Variants in SLC7A5 observed in about 807,000 individuals in gnomAD.
SLC7A5 encodes solute carrier family 7 member 5, also known as large neutral amino acids transporter small subunit 1.
In SLC7A5, 23 loss-of-function variants were observed where a neutral mutation model predicts 50.2. The observed-to-expected ratio is 0.46, with a 90% CI of 0.33 to 0.65. The LOEUF is 0.65. Ranked by LOEUF, SLC7A5 falls within the 30% of genes least tolerant of loss-of-function variation. The pLI, the probability that SLC7A5 is intolerant of heterozygous loss-of-function variation, is 0.02. For missense variants in SLC7A5, 578 were observed against 684.4 expected, an observed-to-expected ratio of 0.84 and a Z score of 1.73; for synonymous variants, 393 against 330.6, an observed-to-expected ratio of 1.19 and a Z score of -2.05.
At chr16:87,843,149 C>A (rs541179723) in intron 2 of SLC7A5, among the ~76,000 whole-genome samples, 3 of 152,078 alleles carry the variant, frequency 2.0e-5, no homozygotes, top group African/African-American at 7.2e-5. Flanking sequence ...TCAGCCTGAG[C>A]TGATGGACAG....
At position 87,860,238 on chromosome 16, in the gene SLC7A5, C is replaced by T. The variant is rs1261749677; in HGVS notation, c.539-8389G>A. ...GTCCCAGCTACTCGGGAAGCTAAGG[C>T]AGGAGAATCACTTGAACCCAGGAGG... On this transcript the variant is annotated intron_variant, in intron 1 of 9. Coordinates refer to ENST00000261622, the MANE Select transcript of SLC7A5 (RefSeq NM_003486.7). The surrounding 1 kb of genome is among the most constrained non-coding windows in gnomAD (Gnocchi z 4.8). Among the ~76,000 whole-genome samples, 1 of 150,714 alleles carries T rather than the reference C, an allele frequency of 6.6e-6. No individual in the cohort carries two copies. Among genetic ancestry groups the T allele is most frequent in the Non-Finnish European group, 1.5e-5 (1 of 67,788 alleles).
rs1160289531 is a variant in SLC7A5, at chr16:87,841,811, C to T, written c.665-656G>A. 2.0e-5 allele frequency among the ~76,000 whole-genome samples: 3 copies of T among 152,332 alleles called. No individual in the cohort carries two copies. Among genetic ancestry groups the T allele is most frequent in the East Asian group, 3.9e-4 (2 of 5,184 alleles). ...TCTGAGGACACGCGTCACTGGACTT[C>T]GTGACTGCTCCACCCTATTCCAGAA... On this transcript the variant is annotated intron_variant, in intron 2 of 9. Transcript: ENST00000261622. The surrounding 1 kb of genome is among the most constrained non-coding windows in gnomAD (Gnocchi z 4.8).
At chr16:87,836,759 G>T (rs948425651) in intron 7 of SLC7A5, 112 bp from the exon 8 acceptor site, 2 of 1,120,284 alleles carry the variant, frequency 1.8e-6, no homozygotes, top group Non-Finnish European at 1.3e-6. Context: ...GAGCACCAGG[G>T]AATTTTGTTT....
chr16:87,849,234 G>A (rs554325734), intron 2 of SLC7A5, among the ~76,000 whole-genome samples: 179 of 152,338 alleles, frequency 1.2e-3, no homozygotes, highest in African/African-American at 4.1e-3. Context: ...GTCCACTGGG[G>A]GGTATAAAGT....
chr16:87,844,966 C>G (rs544602597), intron 2 of SLC7A5, among the ~76,000 whole-genome samples: 2 of 152,342 alleles, frequency 1.3e-5, no homozygotes, highest in East Asian at 3.9e-4. Flanking sequence ...GCACTAAGGC[C>G]GACGACAAGT....
In SLC7A5 at chr16:87,853,900, CG is replaced by C. The variant is rs1159671776; in HGVS notation, c.539-2052del. 2 of 108,258 alleles carry C rather than the reference CG, an allele frequency of 1.8e-5. No homozygotes were observed. The highest frequency in any genetic ancestry group is 3.1e-5 in the African/African-American group (1 of 32,046). 6.7% of individuals were successfully genotyped at this position (108,258 alleles called of 1,614,324 possible). Reference sequence around the variant, plus strand: ...GCGGAGACACTGAGCACTGCCCTCGCGGCTGTCACGTCTGCGGCTGTCACGT... The same window carrying C: ...GCGGAGACACTGAGCACTGCCCTCGCGCTGTCACGTCTGCGGCTGTCACGT... On this transcript the variant is annotated intron_variant, in intron 1 of 9. Coordinates refer to ENST00000261622, the MANE Select transcript of SLC7A5 (RefSeq NM_003486.7). This position sits in a 1 kb window ranked among gnomAD's most constrained non-coding sequence, Gnocchi z 4.4.
chr16:87,843,537 G>A (rs2055109531), intron 2 of SLC7A5, among the ~76,000 whole-genome samples: 1 of 151,856 alleles, frequency 6.6e-6, no homozygotes, highest in African/African-American at 2.4e-5. Flanking sequence ...CTGGACACAG[G>A]GAGGTCACCA....
At chr16:87,840,000 G>A (rs1307219490) in intron 4 of SLC7A5, among the ~76,000 whole-genome samples, 175 bp from the exon 5 acceptor site, 1 of 152,226 alleles carries the variant, frequency 6.6e-6, no homozygotes, top group African/African-American at 2.4e-5. Flanking sequence ...GGCTGTGCCT[G>A]GAGCGGGACA....
intron 2 of SLC7A5, among the ~76,000 whole-genome samples, chr16:87,844,938 C>T (rs1417760307): frequency 1.3e-5 from 2 of 152,260 alleles, no homozygotes; most frequent in East Asian, 1.9e-4. Context: ...GAGATGAGAT[C>T]ATCCCGGATT....
In SLC7A5 at chr16:87,841,852, A is replaced by G. The variant is rs1200379186; in HGVS notation, c.665-697T>C. On this transcript the variant is annotated intron_variant, in intron 2 of 9. Transcript: ENST00000261622. This position sits in a 1 kb window ranked among gnomAD's most constrained non-coding sequence, Gnocchi z 4.8. ...TATTCCAGAAGGACCTCATTTCAAAACTTGAACTTCAGTCACATCTGCGAA... is the reference window on the plus strand; with the variant it reads ...TATTCCAGAAGGACCTCATTTCAAAGCTTGAACTTCAGTCACATCTGCGAA... 1.3e-5 allele frequency among the ~76,000 whole-genome samples: 2 copies of G among 152,142 alleles called. No homozygotes were observed. Among genetic ancestry groups the G allele is most frequent in the Admixed American group, 6.5e-5 (1 of 15,278 alleles).
chr16:87,852,144 A>G lies in SLC7A5; in HGVS notation c.539-295T>C, dbSNP rs1229498284. 2.6e-5 allele frequency among the ~76,000 whole-genome samples: 4 copies of G among 152,128 alleles called. No individual in the cohort carries two copies. The highest frequency in any genetic ancestry group is 5.9e-5 in the Non-Finnish European group (4 of 67,994). On this transcript the variant is annotated intron_variant, in intron 1 of 9. Coordinates refer to ENST00000261622, the MANE Select transcript of SLC7A5 (RefSeq NM_003486.7). This position sits in a 1 kb window ranked among gnomAD's most constrained non-coding sequence, Gnocchi z 4.5. ...CACCAGGCCATGGAGTCCCACCTGT[A>G]GTCAGGACTTCAAGTGGGGTCACTG...
intron 5 of SLC7A5, among the ~76,000 whole-genome samples, chr16:87,839,265 G>A (rs1392504977): frequency 6.6e-6 from 1 of 152,210 alleles, no homozygotes; most frequent in African/African-American, 2.4e-5. Context: ...AGGCCAGCCT[G>A]GCTGAGCTGC....
chr16:87,838,078 C>T (rs956571112), intron 6 of SLC7A5, 137 bp from the exon 7 acceptor site: 9 of 732,024 alleles, frequency 1.2e-5, no homozygotes, highest in African/African-American at 3.5e-5. Flanking sequence ...GAACCAGGCC[C>T]CTCCAGCCGC....
Position 87,861,199 on chromosome 16 carries a change from T to C in SLC7A5, c.538+7686A>G, listed in dbSNP as rs887076037. Among the ~76,000 whole-genome samples the C allele has an allele frequency of 1.4e-4, 22 of 152,212 alleles. No individual in the cohort carries two copies. The highest frequency in any genetic ancestry group is 5.3e-4 in the African/African-American group (22 of 41,550). ...ATGCTCCAGGGAGGGCCAGGCCTAC[T>C]GGGGGGCAGAACCCTGTGGCTGTCC... On this transcript the variant is annotated intron_variant, in intron 1 of 9. Coordinates refer to ENST00000261622, the MANE Select transcript of SLC7A5 (RefSeq NM_003486.7). The surrounding 1 kb of genome is among the most constrained non-coding windows in gnomAD (Gnocchi z 4.2).
At chr16:87,865,246 G>A (rs1161504723) in intron 1 of SLC7A5, among the ~76,000 whole-genome samples, 1 of 152,020 alleles carries the variant, frequency 6.6e-6, no homozygotes, top group African/African-American at 2.4e-5. Context: ...ACACAGGTGG[G>A]TCAGAGAAAA....
rs754235089 is a variant in SLC7A5 at position 87,869,418 on chromosome 16, G to A, written c.5C>T (p.Ala2Val). 28 of 1,489,524 alleles carry A rather than the reference G, an allele frequency of 1.9e-5. No homozygotes were observed. Among genetic ancestry groups the A allele is most frequent in the African/African-American group, 2.8e-5 (2 of 70,242 alleles). 92.3% of individuals were successfully genotyped at this position (1,489,524 alleles called of 1,614,324 possible). ...CGCGCGCCGCTTCGGGCCCGCACCC[G>A]CCATGCTCTGCGCACCGGCCGGGCC... is the stretch of plus-strand genomic sequence containing the variant. MAGAGPKRRALA... is the reference protein window; with the variant it reads MVGAGPKRRALA... The change falls in exon 1 of 10, where the codon GCG becomes GTG. Residue 2 changes from alanine (A) to valine (V), a missense_variant. By Grantham distance (64) the Ala-to-Val change is moderately conservative (BLOSUM62 0). Around this residue, in one of 2 missense-constraint regions of SLC7A5, gnomAD observed 113 missense variants for 89.8 expected, o/e 1.26. Transcript: ENST00000261622.
chr16:87,835,006 C>T (rs774564569), intron 8 of SLC7A5, among the ~76,000 whole-genome samples: 17 of 152,254 alleles, frequency 1.1e-4, no homozygotes, highest in Non-Finnish European at 1.3e-4. Flanking sequence ...CTGTGGACAG[C>T]GCTGAGCAAA....
chr16:87,847,699 T>C (rs954503898), intron 2 of SLC7A5, among the ~76,000 whole-genome samples: 1 of 152,086 alleles, frequency 6.6e-6, no homozygotes, highest in Non-Finnish European at 1.5e-5. Context: ...CGCATGACCC[T>C]GCACACTGCA....
At chr16:87,834,717 G>A in intron 8 of SLC7A5, 126 bp from the exon 9 acceptor site, 1 of 940,536 alleles carries the variant, frequency 1.1e-6, no homozygotes, top group Non-Finnish European at 1.7e-6. Context: ...TCACCAAGAT[G>A]CGATCTGCAC....
Sources: allele counts gnomAD v4.1 joint callset (sites outside exome capture counted in the v4.1 genomes callset), GRCh38; gene constraint gnomAD v4.1.1; regional missense constraint gnomAD v4.1.1; non-coding constraint Gnocchi (gnomAD v3.1); transcripts MANE v1.5; gene names NCBI Gene and HGNC (gene_info 2026-07-23, HGNC 2026-07-21).